PDE4A: variants seen among roughly 807,000 people sequenced by gnomAD.
The protein encoded by PDE4A is phosphodiesterase 4A, also known as 3',5'-cyclic-AMP phosphodiesterase 4A.
PDE4A carries 21 observed loss-of-function variants against 73.9 expected under a neutral mutation model. The ratio of observed to expected loss-of-function variants is 0.28; its 90% confidence interval spans 0.20 to 0.41. PDE4A has a LOEUF of 0.41. Among genes scored for constraint, PDE4A ranks in the 10% least tolerant of loss-of-function variants. The pLI is 1.00. For synonymous variants in PDE4A, 463 were observed against 505.4 expected (o/e 0.92, Z 1.13); for missense variants, 958 against 1,211.4 (o/e 0.79, Z 3.10).
intron 1 of PDE4A, among the ~76,000 whole-genome samples, chr19:10,422,122 G>A (rs577601338): frequency 6.6e-6 from 1 of 152,146 alleles, no homozygotes; most frequent in Non-Finnish European, 1.5e-5. Context: ...TAGAGTGACT[G>A]TTTCTGCTCC....
intron 1 of PDE4A, chr19:10,431,119 T>C (rs2042783579): frequency 7.0e-7 from 1 of 1,431,278 alleles, no homozygotes. Context: ...TGGGTTCAAG[T>C]CGCCCCTGGC....
At chr19:10,444,607 C>A (rs757468348) in intron 1 of PDE4A, among the ~76,000 whole-genome samples, 5 of 151,386 alleles carry the variant, frequency 3.3e-5, no homozygotes, top group Non-Finnish European at 1.5e-5. Context: ...AAAGAGGAGC[C>A]GCTGCAAATC....
intron 7 of PDE4A, among the ~76,000 whole-genome samples, chr19:10,456,307 C>G (rs2043169399): frequency 1.3e-5 from 2 of 152,078 alleles, no homozygotes; most frequent in Admixed American, 6.6e-5. Context: ...GTGGGCAGAT[C>G]ATGAGGTCAG....
At position 10,465,683 on chromosome 19, in the gene PDE4A, C is replaced by CTTTTT. The variant is rs749126870; in HGVS notation, c.1927-1174_1927-1170dup. ...TCATAGCAATAGTTTGTGGCTTTAG[C>CTTTTT]TTTTTTTTTTTTTTTTTTTTTTTTT... On this transcript the variant is annotated intron_variant, in intron 14 of 14. Coordinates refer to ENST00000380702, the MANE Select transcript of PDE4A (RefSeq NM_001111307.2). Among the ~76,000 whole-genome samples the CTTTTT allele has an allele frequency of 2.8e-3, 137 of 48,396 alleles. 8 individuals are homozygous for CTTTTT. Among genetic ancestry groups the CTTTTT allele is most frequent in the Non-Finnish European group, 3.7e-3 (100 of 27,290 alleles). The allele number at this position is 48,396 out of a possible 152,430, so 31.7% of individuals were successfully genotyped here.
At chr19:10,421,109 C>G in intron 1 of PDE4A, 25 bp downstream of exon 1, 5 of 1,357,648 alleles carry the variant, frequency 3.7e-6, no homozygotes, top group Non-Finnish European at 4.7e-6. Context: ...GGCGGATGCG[C>G]GCGGAACGGA....
Position 10,458,050 on chromosome 19 carries a change from C to G in PDE4A, c.1049C>G (p.Ser350Cys), listed in dbSNP as rs200316343. The G allele has an allele frequency of 2.0e-5, 32 of 1,613,880 alleles. No homozygotes were observed. In the East Asian group the frequency reaches 2.5e-4, roughly 12 times the overall value. Residue 350 changes from serine (S) to cysteine (C), a missense_variant, in exon 8 of 15, where the codon TCT becomes TGT. By Grantham distance (112) the Ser-to-Cys change is moderately radical. Around this residue, in one of 3 missense-constraint regions of PDE4A, gnomAD observed 570 missense variants for 827.7 expected, o/e 0.69. Coordinates refer to ENST00000380702, the MANE Select transcript of PDE4A (RefSeq NM_001111307.2). The surrounding 1 kb of genome is among the most constrained non-coding windows in gnomAD (Gnocchi z 4.6). ...ATGCATAGTAACAGCCTGAACAACT[C>G]TAACATTCCCCGATTTGGGGTGAAG... ...KLMHSNSLNN[S>C]NIPRFGVKTD...
chr19:10,420,489 C>T (rs948112331), upstream of PDE4A: 1 of 878,448 alleles, frequency 1.1e-6, no homozygotes, highest in African/African-American at 1.8e-5. The surrounding 1 kb of genome is among the most constrained non-coding windows in gnomAD (Gnocchi z 6.0). Flanking sequence ...GGCGGAGGAG[C>T]CGGGGCTGGC....
intron 14 of PDE4A, among the ~76,000 whole-genome samples, chr19:10,465,583 G>A (rs185472736): frequency 2.2e-4 from 32 of 148,216 alleles, no homozygotes; most frequent in African/African-American, 7.4e-4. Context: ...CCCTAGGTGT[G>A]CAAAATCACT....
rs2043203037 is a variant in PDE4A at position 10,458,196 on chromosome 19, T to G, written c.1101+94T>G. 1 of 1,215,992 alleles carries G rather than the reference T, an allele frequency of 8.2e-7. No individual in the cohort carries two copies. Among genetic ancestry groups the G allele is most frequent in the African/African-American group, 1.5e-5 (1 of 66,528 alleles). 75.3% of individuals were successfully genotyped at this position (1,215,992 alleles called of 1,614,324 possible). A position where few individuals can be genotyped will look rare whatever the true frequency, so the allele number is the denominator to read the frequency against. On this transcript the variant is annotated intron_variant, in intron 8 of 14. Transcript: ENST00000380702. This position sits in a 1 kb window ranked among gnomAD's most constrained non-coding sequence, Gnocchi z 4.6. ...ATTGGGTTATGTCTTAGGCCAGGTT[T>G]CCCAGAAGCAGAGCTTGAGATGAGG...
intron 1 of PDE4A, among the ~76,000 whole-genome samples, chr19:10,421,884 G>C (rs1328785674): frequency 6.6e-6 from 1 of 152,188 alleles, no homozygotes; most frequent in East Asian, 1.9e-4. Context: ...GACCAGCTGT[G>C]GCTACCTCAG....
rs775440589 is a variant in PDE4A at position 10,467,557 on chromosome 19, T to C, written c.2597T>C (p.Phe866Ser). The change falls in exon 15 of 15, where the codon TTT becomes TCT. Residue 866 changes from phenylalanine (F) to serine (S), a missense_variant. By Grantham distance (155) the Phe-to-Ser change is radical. This residue lies in a region of PDE4A where 243 missense variants were observed against 245.9 expected (regional missense o/e 0.99). Transcript: ENST00000380702. ...KRACSACAGT[F>S]GEDTSALPAP... ...GCTTGCAGTGCCTGCGCAGGGACATTTGGGGAGGACACATCCGCACTCCCA... is the reference window on the plus strand; with the variant it reads ...GCTTGCAGTGCCTGCGCAGGGACATCTGGGGAGGACACATCCGCACTCCCA... 20 of 1,609,516 alleles carry C rather than the reference T, an allele frequency of 1.2e-5. No individual in the cohort carries two copies. Among genetic ancestry groups the C allele is most frequent in the Middle Eastern group, 1.7e-4 (1 of 5,972 alleles).
intron 13 of PDE4A, among the ~76,000 whole-genome samples, chr19:10,463,404 T>C (rs2043309254): frequency 6.8e-6 from 1 of 147,518 alleles, no homozygotes. Context: ...TCTTTTTTTT[T>C]TTTTTTTTTT....
Position 10,467,658 on chromosome 19 carries a change from C to T in PDE4A, c.*37C>T. On this transcript the variant is annotated 3_prime_UTR_variant, in exon 15 of 15. Coordinates refer to ENST00000380702, the MANE Select transcript of PDE4A (RefSeq NM_001111307.2). Reference sequence around the variant, plus strand: ...CTGTCCCTGTTCCCCTCCACTCCTCCCCTCACTCCCCTGCTCCCCCGACCA... The same window carrying T: ...CTGTCCCTGTTCCCCTCCACTCCTCTCCTCACTCCCCTGCTCCCCCGACCA... 1 of 1,447,030 alleles carries T rather than the reference C, an allele frequency of 6.9e-7. No individual in the cohort carries two copies. The allele number at this position is 1,447,030 out of a possible 1,614,324, so 89.6% of individuals were successfully genotyped here. A position where few individuals can be genotyped will look rare whatever the true frequency, so the allele number is the denominator to read the frequency against.
upstream of PDE4A, chr19:10,416,824 C>G: frequency 1.3e-6 from 2 of 1,528,616 alleles, no homozygotes; most frequent in Non-Finnish European, 1.7e-6. Context: ...GGTTCTAGGC[C>G]CGACCGGCAG....
Position 10,421,200 on chromosome 19 carries a change from G to A in PDE4A, c.320+116G>A, listed in dbSNP as rs984664556. The A allele has an allele frequency of 1.5e-5, 20 of 1,333,690 alleles. No individual in the cohort carries two copies. In the Admixed American group the frequency reaches 8.3e-4, roughly 55 times the overall value. The allele number at this position is 1,333,690 out of a possible 1,614,324, so 82.6% of individuals were successfully genotyped here. A position where few individuals can be genotyped will look rare whatever the true frequency, so the allele number is the denominator to read the frequency against. On this transcript the variant is annotated intron_variant, in intron 1 of 14. Coordinates refer to ENST00000380702, the MANE Select transcript of PDE4A (RefSeq NM_001111307.2). ...CGGGTGGGGTCGGTTTGGCTGGCGG[G>A]GGCGGAGGGAATTCGGCTGCGGGGG...
In PDE4A at chr19:10,432,673, G is replaced by C. The variant is rs533104860; in HGVS notation, c.320+11589G>C. 2.9e-4 allele frequency: 334 copies of C among 1,162,700 alleles called. 1 individual carries two copies. In the African/African-American group the frequency reaches 5.1e-3, roughly 18 times the overall value. The allele number at this position is 1,162,700 out of a possible 1,614,324, so 72.0% of individuals were successfully genotyped here. The stretch of plus-strand genomic sequence containing the variant: ...GAGTCTACCTGGGTGAGTCCCCTAA[G>C]TGGCTTCCAGGATCTGGCTGGGGCC... On this transcript the variant is annotated intron_variant, in intron 1 of 14. Transcript: ENST00000380702.
Position 10,461,984 on chromosome 19 carries a change from C to T in PDE4A, c.1728C>T (p.Tyr576=), listed in dbSNP as rs202016131. 149 of 1,613,508 alleles carry T rather than the reference C, an allele frequency of 9.2e-5. No homozygotes were observed. The highest frequency in any genetic ancestry group is 1.2e-4 in the Non-Finnish European group (143 of 1,179,740). The change falls in exon 13 of 15, where the codon TAC becomes TAT. Residue 576 remains tyrosine (Y), a synonymous_variant. Transcript: ENST00000380702. The part of the protein sequence containing the change: ...TSSGVLLLDN[Y]SDRIQVLRNM... ...CAGGGGTCCTCCTGCTAGATAACTACTCCGACCGCATCCAGGTGCCCCCAC... is the reference window on the plus strand; with the variant it reads ...CAGGGGTCCTCCTGCTAGATAACTATTCCGACCGCATCCAGGTGCCCCCAC...
At chr19:10,421,424 C>A in intron 1 of PDE4A, 1 of 794,866 alleles carries the variant, frequency 1.3e-6, no homozygotes, top group Non-Finnish European at 1.5e-6. Flanking sequence ...TTGGAGGGAC[C>A]TTCCTGGGGG....
At chr19:10,466,462 A>AAAAG (rs1156315458) in intron 14 of PDE4A, among the ~76,000 whole-genome samples, 2 of 144,408 alleles carry the variant, frequency 1.4e-5, no homozygotes, top group African/African-American at 5.1e-5. Context: ...AAAAAAAAAA[A>AAAAG]GTGTGTGTGT....
Sources: allele counts gnomAD v4.1 joint callset (sites outside exome capture counted in the v4.1 genomes callset), GRCh38; gene constraint gnomAD v4.1.1; regional missense constraint gnomAD v4.1.1; non-coding constraint Gnocchi (gnomAD v3.1); transcripts MANE v1.5; gene names NCBI Gene and HGNC (gene_info 2026-07-23, HGNC 2026-07-21).